The following CPQ variants were observed in gnomAD, a reference collection of about 807,000 sequenced individuals.
CPQ encodes carboxypeptidase Q, also known as Ser-Met dipeptidase.
A neutral mutation model predicts 45.7 loss-of-function variants in CPQ; 37 were observed. The ratio of observed to expected loss-of-function variants is 0.81; its 90% CI spans 0.62 to 1.07. The LOEUF is 1.07. Ranked by LOEUF, CPQ falls within the 50% of genes least tolerant of loss-of-function variation. The pLI, the probability that CPQ is intolerant of heterozygous loss-of-function variation, is 0.00. For synonymous variants in CPQ, 186 were observed against 205.8 expected (o/e 0.90, Z 0.82); for missense variants, 537 against 572.9 (o/e 0.94, Z 0.64).
intron 1 of CPQ, among the ~76,000 whole-genome samples, chr8:96,728,636 T>A (rs1201990182): frequency 6.6e-6 from 1 of 152,190 alleles, no homozygotes; most frequent in Non-Finnish European, 1.5e-5. Flanking sequence ...ATGGTCAGTA[T>A]CCAGTTGGGA....
intron 4 of CPQ, among the ~76,000 whole-genome samples, chr8:96,930,196 C>T (rs1812953927): frequency 6.6e-6 from 1 of 152,170 alleles, no homozygotes; most frequent in Admixed American, 6.5e-5. Flanking sequence ...CAGAGAAAGT[C>T]ACAGAGCAAA....
In CPQ at chr8:97,065,880, A is replaced by G. The variant is rs1810626625; in HGVS notation, c.1054-129A>G. The G allele has an allele frequency of 3.6e-6, 3 of 842,900 alleles. No individual in the cohort carries two copies. In the Admixed American group the frequency reaches 7.7e-5, roughly 22 times the overall value. The allele number at this position is 842,900 out of a possible 1,614,324, so 52.2% of individuals were successfully genotyped here. A position where few individuals can be genotyped will look rare whatever the true frequency, so the allele number is the denominator to read the frequency against. On this transcript the variant is annotated intron_variant, in intron 6 of 7. Coordinates refer to ENST00000220763, the MANE Select transcript of CPQ (RefSeq NM_016134.4). ...TAATATGCAGAGCAGACCTTAAGTC[A>G]GGCACAGCAACATGTGTTTTGGCAC... is the stretch of plus-strand genomic sequence containing the variant.
intron 4 of CPQ, among the ~76,000 whole-genome samples, chr8:96,950,643 C>T (rs1184985391): frequency 4.6e-5 from 7 of 152,112 alleles, no homozygotes; most frequent in Admixed American, 4.6e-4. Context: ...TTCAGAACTA[C>T]TATCAGAGCC....
intron 3 of CPQ, among the ~76,000 whole-genome samples, chr8:96,870,761 A>T (rs973889805): frequency 3.9e-5 from 6 of 152,020 alleles, no homozygotes; most frequent in Non-Finnish European, 8.8e-5. Flanking sequence ...TTCTGTCAAA[A>T]AGCCTAACAT....
chr8:96,943,547 C>A (rs1011911891), intron 4 of CPQ, among the ~76,000 whole-genome samples: 4 of 152,126 alleles, frequency 2.6e-5, no homozygotes, highest in African/African-American at 9.7e-5. Flanking sequence ...GAAACCAAGG[C>A]ACAGGGAAGC....
rs554307883 is a variant in CPQ, at chr8:96,784,144, A to ACTTGCATG, written c.-34-719_-34-718insTTGCATGC. Among the ~76,000 whole-genome samples the ACTTGCATG allele has an allele frequency of 1.4e-3, 216 of 152,314 alleles. 4 individuals are homozygous for ACTTGCATG. Among genetic ancestry groups the ACTTGCATG allele is most frequent in the Admixed American group, 0.011 (168 of 15,278 alleles). ...TAGCATACTTAGTACAAGGTCTGAC[A>ACTTGCATG]CACAGCATGCACTATATAAATGCTT... On this transcript the variant is annotated intron_variant, in intron 1 of 7. Transcript: ENST00000220763.
intron 3 of CPQ, among the ~76,000 whole-genome samples, chr8:96,867,580 C>A (rs551971163): frequency 1.3e-5 from 2 of 151,856 alleles, no homozygotes; most frequent in Non-Finnish European, 2.9e-5. Flanking sequence ...GTAGAAAAGT[C>A]AAGAAAAACA....
chr8:96,805,947 C>A (rs1811073117), intron 2 of CPQ, among the ~76,000 whole-genome samples: 1 of 152,002 alleles, frequency 6.6e-6, no homozygotes, highest in South Asian at 2.1e-4. Context: ...CTGGGTGGTT[C>A]TAGAGTCTGG....
chr8:97,131,276 T>C (rs1333608489), intron 7 of CPQ, among the ~76,000 whole-genome samples: 1 of 152,232 alleles, frequency 6.6e-6, no homozygotes, highest in South Asian at 2.1e-4. Flanking sequence ...AAATCCATAC[T>C]GTCTGACACA....
intron 4 of CPQ, among the ~76,000 whole-genome samples, chr8:96,922,154 C>T (rs996759344): frequency 6.6e-6 from 1 of 152,078 alleles, no homozygotes; most frequent in African/African-American, 2.4e-5. Context: ...ACAGAGTATG[C>T]AACTTTAAGT....
intron 5 of CPQ, among the ~76,000 whole-genome samples, chr8:97,021,583 A>C (rs979980551): frequency 3.3e-5 from 5 of 152,208 alleles, no homozygotes; most frequent in Admixed American, 6.5e-5. Context: ...ACTGAGAATC[A>C]AATCAAGAAC....
At chr8:96,697,161 A>G (rs1479448690) in intron 1 of CPQ, among the ~76,000 whole-genome samples, 1 of 152,228 alleles carries the variant, frequency 6.6e-6, no homozygotes, top group South Asian at 2.1e-4. Context: ...ATGATACACT[A>G]AAAAGATTCA....
chr8:96,965,891 T>C, intron 4 of CPQ, 44 bp from the exon 5 acceptor site: 1 of 1,277,508 alleles, frequency 7.8e-7, no homozygotes, highest in Middle Eastern at 1.9e-4. Flanking sequence ...TTTGATGTCA[T>C]TTTTGCTTAG....
At chr8:96,736,480 T>C (rs907696173) in intron 1 of CPQ, among the ~76,000 whole-genome samples, 7 of 152,224 alleles carry the variant, frequency 4.6e-5, no homozygotes, top group African/African-American at 1.7e-4. Context: ...CCGTATCATA[T>C]TGCATAAGTC....
At chr8:96,819,252 A>C (rs866146030) in intron 2 of CPQ, among the ~76,000 whole-genome samples, 11 of 152,266 alleles carry the variant, frequency 7.2e-5, no homozygotes, top group Middle Eastern at 6.8e-3. Context: ...ATTAAAAATA[A>C]AAATGAAAAA....
chr8:97,006,403 G>A (rs1257384532), intron 5 of CPQ, among the ~76,000 whole-genome samples: 1 of 152,100 alleles, frequency 6.6e-6, no homozygotes, highest in Non-Finnish European at 1.5e-5. Flanking sequence ...TCTCATACAG[G>A]TCTGTTATAC....
At chr8:96,992,998 T>C (rs914576022) in intron 5 of CPQ, among the ~76,000 whole-genome samples, 1 of 152,156 alleles carries the variant, frequency 6.6e-6, no homozygotes, top group African/African-American at 2.4e-5. Flanking sequence ...GCCTGTGGGG[T>C]AGGCTGGCTC....
At chr8:96,987,606 G>C (rs1319872751) in intron 5 of CPQ, among the ~76,000 whole-genome samples, 1 of 152,156 alleles carries the variant, frequency 6.6e-6, no homozygotes, top group African/African-American at 2.4e-5. Context: ...AATTGTGCTG[G>C]CTCTGAGTTT....
chr8:97,135,515 C>T (rs564030549), intron 7 of CPQ, among the ~76,000 whole-genome samples: 15 of 152,142 alleles, frequency 9.9e-5, no homozygotes, highest in African/African-American at 3.4e-4. Context: ...ATGTGTTTTT[C>T]ATTTGCTAAT....
Sources: gnomAD v4.1 joint callset for allele counts (sites outside exome capture counted in the v4.1 genomes callset) on GRCh38, gnomAD v4.1.1 for gene constraint, MANE v1.5 for transcripts, NCBI Gene and HGNC (gene_info 2026-07-23, HGNC 2026-07-21) for gene names.